ERC2: variants seen among roughly 807,000 people sequenced by gnomAD.
The protein encoded by ERC2 is ERC protein 2.
ERC2 carries 42 observed loss-of-function variants against 114.8 expected under a neutral mutation model. The observed-to-expected ratio is 0.37, with a 90% CI of 0.29 to 0.47. The LOEUF (loss-of-function observed/expected upper bound fraction) is 0.47, where lower values mean the gene tolerates loss of function less well. Ranked by LOEUF, ERC2 falls within the 20% of genes least tolerant of loss-of-function variation. ERC2 has a pLI of 0.99. For missense variants in ERC2, 939 were observed against 1,150.7 expected, an observed-to-expected ratio of 0.82 and a Z score of 2.66; for synonymous variants, 454 against 425.5, an observed-to-expected ratio of 1.07 and a Z score of -0.82.
chr3:55,540,088 C>A (rs2054294532), intron 17 of ERC2, among the ~76,000 whole-genome samples: 1 of 152,006 alleles, frequency 6.6e-6, no homozygotes, highest in African/African-American at 2.4e-5. Context: ...TTAGGGAGTT[C>A]TTGGGAGATA....
chr3:56,439,689 C>G (rs1295037379), intron 1 of ERC2, among the ~76,000 whole-genome samples: 1 of 151,694 alleles, frequency 6.6e-6, no homozygotes, highest in Non-Finnish European at 1.5e-5. Flanking sequence ...TTTACTGCAT[C>G]TTATTTTCCA....
At chr3:56,259,144 G>T (rs2052735621) in intron 3 of ERC2, among the ~76,000 whole-genome samples, 1 of 151,796 alleles carries the variant, frequency 6.6e-6, no homozygotes, top group African/African-American at 2.4e-5. Context: ...GGCTAATTTT[G>T]TATTTTTAGC....
intron 2 of ERC2, among the ~76,000 whole-genome samples, chr3:56,377,653 T>C (rs1028723106): frequency 6.6e-6 from 1 of 152,022 alleles, no homozygotes; most frequent in Non-Finnish European, 1.5e-5. Context: ...AAATGGGAGA[T>C]CATATCGTAT....
chr3:56,275,371 T>C (rs74811646), intron 3 of ERC2, among the ~76,000 whole-genome samples: 1 of 152,308 alleles, frequency 6.6e-6, no homozygotes, highest in East Asian at 1.9e-4. Context: ...GAGATTCTAA[T>C]AAGGGTTGGG....
At chr3:56,019,717 C>T (rs1386356256) in intron 7 of ERC2, among the ~76,000 whole-genome samples, 2 of 152,146 alleles carry the variant, frequency 1.3e-5, no homozygotes, top group African/African-American at 4.8e-5. Context: ...AATAAACACG[C>T]CAAATAGCCG....
rs74689443 is a variant in ERC2, at chr3:55,980,677, T to C, written c.2267+5300A>G. ...TCTTGAGAGATTTACTATTTGCTGA[T>C]ATTCATCCATATGGTAGTACCAACC... On this transcript the variant is annotated intron_variant, in intron 12 of 17. Transcript: ENST00000288221. Among the ~76,000 whole-genome samples the C allele has an allele frequency of 0.014, 2,155 of 152,110 alleles. 85 individuals are homozygous for C. The East Asian group carries it at 0.16, about 11-fold the overall frequency.
intron 4 of ERC2, among the ~76,000 whole-genome samples, chr3:56,171,933 G>A (rs1324387132): frequency 6.9e-6 from 1 of 145,226 alleles, no homozygotes; most frequent in Non-Finnish European, 1.5e-5. Context: ...GGGAAGGTGG[G>A]TGTGGAGGTG....
intron 13 of ERC2, among the ~76,000 whole-genome samples, chr3:55,933,247 T>C (rs1020561775): frequency 4.0e-5 from 6 of 150,754 alleles, no homozygotes; most frequent in Admixed American, 3.3e-4. Flanking sequence ...AAAGTAACCA[T>C]GCCCAATCTC....
intron 14 of ERC2, among the ~76,000 whole-genome samples, chr3:55,839,571 AAATAT>A (rs1322782455): frequency 1.3e-5 from 2 of 151,974 alleles, no homozygotes; most frequent in Non-Finnish European, 2.9e-5. Flanking sequence ...AAAAAAATGG[AAATAT>A]AATAAGATTC....
At chr3:55,913,596 T>G in intron 13 of ERC2, among the ~76,000 whole-genome samples, 1 of 152,242 alleles carries the variant, frequency 6.6e-6, no homozygotes, top group East Asian at 1.9e-4. Flanking sequence ...AAAAATTGCT[T>G]CTACAAAAGG....
chr3:56,307,326 C>A (rs904804886), intron 2 of ERC2, among the ~76,000 whole-genome samples: 1 of 152,164 alleles, frequency 6.6e-6, no homozygotes, highest in Non-Finnish European at 1.5e-5. Context: ...TGAATCCTTG[C>A]GTCTTATCTC....
chr3:55,913,915 T>A (rs1455210471), intron 13 of ERC2, among the ~76,000 whole-genome samples: 1 of 152,218 alleles, frequency 6.6e-6, no homozygotes, highest in Non-Finnish European at 1.5e-5. Flanking sequence ...AGTATCTCCC[T>A]TGAAGCTAGA....
intron 13 of ERC2, among the ~76,000 whole-genome samples, chr3:55,935,630 C>A (rs766828956): frequency 1.3e-5 from 2 of 152,226 alleles, no homozygotes; most frequent in Non-Finnish European, 2.9e-5. Context: ...GCTCTGAGAA[C>A]CTGCTGGCTC....
chr3:56,178,338 T>C (rs1242308353), intron 3 of ERC2, among the ~76,000 whole-genome samples: 1 of 152,198 alleles, frequency 6.6e-6, no homozygotes, highest in East Asian at 1.9e-4. Context: ...TATTACTGTA[T>C]AACAAACCAC....
At chr3:56,343,691 C>T (rs1225240842) in intron 2 of ERC2, among the ~76,000 whole-genome samples, 1 of 152,150 alleles carries the variant, frequency 6.6e-6, no homozygotes, top group Non-Finnish European at 1.5e-5. Context: ...AGACTGTAAG[C>T]TCATAGAGGA....
At chr3:56,163,715 C>A (rs1343148677) in intron 4 of ERC2, among the ~76,000 whole-genome samples, 1 of 151,986 alleles carries the variant, frequency 6.6e-6, no homozygotes, top group African/African-American at 2.4e-5. Flanking sequence ...TTTTTATTTG[C>A]ACAGTGGATC....
intron 4 of ERC2, among the ~76,000 whole-genome samples, chr3:56,167,050 C>A (rs1468082389): frequency 6.6e-6 from 1 of 152,080 alleles, no homozygotes; most frequent in Non-Finnish European, 1.5e-5. Context: ...ACTCGTGGCT[C>A]TTATAGTTCC....
intron 6 of ERC2, among the ~76,000 whole-genome samples, chr3:56,110,070 C>T (rs13326476): frequency 0.17 from 25,292 of 151,924 alleles, 2,274 homozygotes; most frequent in African/African-American, 0.21. Context: ...CAAATCACGG[C>T]GAAAATATAC....
intron 3 of ERC2, among the ~76,000 whole-genome samples, chr3:56,205,282 T>C (rs1411650275): frequency 6.6e-6 from 1 of 152,152 alleles, no homozygotes; most frequent in Admixed American, 6.5e-5. Flanking sequence ...TCCATAATCA[T>C]GTGTGACAAT....
Sources: gnomAD v4.1 joint callset for allele counts (sites outside exome capture counted in the v4.1 genomes callset) on GRCh38, gnomAD v4.1.1 for gene constraint, MANE v1.5 for transcripts, NCBI Gene and HGNC (gene_info 2026-07-23, HGNC 2026-07-21) for gene names.